The following RMDN2 variants were observed in gnomAD, a reference collection of about 807,000 sequenced individuals.
RMDN2 encodes the protein regulator of microtubule dynamics protein 2.
RMDN2 carries 61 observed loss-of-function variants against 52.8 expected under a neutral mutation model. The ratio of observed to expected loss-of-function variants is 1.16; its 90% CI spans 0.94 to 1.43. RMDN2 has a LOEUF of 1.43. Ranked by LOEUF, RMDN2 falls within the 40% of genes most tolerant of loss-of-function variation. RMDN2 has a pLI of 0.00. For missense variants in RMDN2, 592 were observed against 475.3 expected (o/e 1.25, Z -2.28); for synonymous variants, 180 against 153.1 (o/e 1.18, Z -1.30).
At position 37,929,640 on chromosome 2, in the gene RMDN2, C is replaced by T; in HGVS notation, c.363C>T (p.Ser121=). The T allele has an allele frequency of 6.4e-7, 1 of 1,550,556 alleles. No individual in the cohort carries two copies. The highest frequency in any genetic ancestry group is 8.7e-7 in the Non-Finnish European group (1 of 1,146,696). Residue 121 remains serine (S), a synonymous_variant, in exon 2 of 11, where the codon AGC becomes AGT. Transcript: ENST00000354545. Reference sequence around the variant, plus strand: ...GGAAAATAACTGTTCATAAGATAAGCCCTCAGCACAGAGCGAGAAAAAGAA... The same window carrying T: ...GGAAAATAACTGTTCATAAGATAAGTCCTCAGCACAGAGCGAGAAAAAGAA... ...LGGKITVHKI[S]PQHRARKRRL...
At chr2:37,989,698 G>T (rs1572963782) in intron 6 of RMDN2, 82 bp downstream of exon 6, 15 of 904,426 alleles carry the variant, frequency 1.7e-5, no homozygotes. Context: ...ATGTTTTAAT[G>T]TAGCCATATG....
At chr2:38,049,985 G>A (rs1297722539) in intron 10 of RMDN2, among the ~76,000 whole-genome samples, 1 of 152,150 alleles carries the variant, frequency 6.6e-6, no homozygotes, top group East Asian at 1.9e-4. Flanking sequence ...CTGTGCTTAA[G>A]CTAATAGCAT....
chr2:37,924,251 G>T (rs1055970717), upstream of RMDN2, among the ~76,000 whole-genome samples: 10 of 152,210 alleles, frequency 6.6e-5, no homozygotes, highest in African/African-American at 2.4e-4. Context: ...TTTTGAGAAA[G>T]AGTGTACCCA....
intron 2 of RMDN2, among the ~76,000 whole-genome samples, chr2:37,948,082 C>G (rs1668375149): frequency 6.6e-6 from 1 of 152,180 alleles, no homozygotes; most frequent in Non-Finnish European, 1.5e-5. Flanking sequence ...TGTTCTGGAA[C>G]ACAGCTACTC....
chr2:37,988,708 T>G (rs980303030), intron 5 of RMDN2, among the ~76,000 whole-genome samples: 3 of 152,198 alleles, frequency 2.0e-5, no homozygotes, highest in South Asian at 2.1e-4. Context: ...ACTCGAAATA[T>G]TTAAGTAAAT....
intron 10 of RMDN2, among the ~76,000 whole-genome samples, chr2:38,059,992 G>A (rs1286573508): frequency 1.3e-5 from 2 of 152,090 alleles, no homozygotes; most frequent in Non-Finnish European, 2.9e-5. Context: ...CCGCCTCTCA[G>A]GTTCAAATGA....
chr2:38,028,558 A>C (rs913765237), intron 10 of RMDN2, among the ~76,000 whole-genome samples: 1 of 152,154 alleles, frequency 6.6e-6, no homozygotes. Flanking sequence ...GCATGTAGCA[A>C]CTTCCTCAGC....
At chr2:37,940,267 G>A (rs1172875177) in intron 2 of RMDN2, among the ~76,000 whole-genome samples, 1 of 152,168 alleles carries the variant, frequency 6.6e-6, no homozygotes. Context: ...AGTCTGCTGG[G>A]CTTCCCTTTG....
Position 37,929,486 on chromosome 2 carries a change from A to G in RMDN2, c.209A>G (p.Glu70Gly), listed in dbSNP as rs765872849. Residue 70 changes from glutamate (E) to glycine (G), a missense_variant, in exon 2 of 11, where the codon GAA becomes GGA. Physicochemically the swap from Glu to Gly is moderately conservative, Grantham distance 98. Transcript: ENST00000354545. ...CAAGGAACAACAGTAATCTTTCAAG[A>G]AAGGCAACTTCAGATACTGGAGAAG... is the stretch of plus-strand genomic sequence containing the variant. Reference protein sequence around the residue: ...DDQGTTVIFQERQLQILEKLN... With the variant: ...DDQGTTVIFQGRQLQILEKLN... The G allele has an allele frequency of 7.1e-6, 11 of 1,551,702 alleles. No homozygotes were observed. In the Admixed American group the frequency reaches 1.8e-4, roughly 25 times the overall value.
chr2:38,043,558 T>C (rs1350169956), intron 10 of RMDN2, among the ~76,000 whole-genome samples: 1 of 152,160 alleles, frequency 6.6e-6, no homozygotes, highest in Non-Finnish European at 1.5e-5. Context: ...TTGTTCTTTG[T>C]TTCCTTTTTT....
In RMDN2 at chr2:38,035,758, C is replaced by T. The variant is rs1037791335; in HGVS notation, c.1714-31224C>T. 5.3e-5 allele frequency: 8 copies of T among 152,208 alleles called. No homozygotes were observed. In the East Asian group the frequency reaches 1.5e-3, roughly 29 times the overall value. 9.4% of individuals were successfully genotyped at this position (152,208 alleles called of 1,614,324 possible). On this transcript the variant is annotated intron_variant, in intron 10 of 10. Transcript: ENST00000234195. Reference sequence around the variant, plus strand: ...GCAACTGGTTTATATCTAGTTTAACCAGCAAGATGCAGGAGCATCTTCAAC... The same window carrying T: ...GCAACTGGTTTATATCTAGTTTAACTAGCAAGATGCAGGAGCATCTTCAAC...
intron 10 of RMDN2, among the ~76,000 whole-genome samples, chr2:38,013,714 A>G (rs1373518897): frequency 6.6e-6 from 1 of 152,222 alleles, no homozygotes; most frequent in African/African-American, 2.4e-5. Context: ...CAGAATTTGT[A>G]TCCATTCACT....
At chr2:38,057,599 T>C (rs1681896266) in intron 10 of RMDN2, among the ~76,000 whole-genome samples, 2 of 152,154 alleles carry the variant, frequency 1.3e-5, no homozygotes, top group Admixed American at 6.5e-5. Context: ...TTATTTGATA[T>C]GGTTTAGATC....
intron 10 of RMDN2, among the ~76,000 whole-genome samples, chr2:38,049,072 G>C (rs915710031): frequency 6.6e-6 from 1 of 152,198 alleles, no homozygotes; most frequent in Non-Finnish European, 1.5e-5. Flanking sequence ...TTTCTAGTCT[G>C]TAGAATATGG....
At chr2:37,961,719 G>C (rs1400385805) in intron 2 of RMDN2, among the ~76,000 whole-genome samples, 1 of 152,018 alleles carries the variant, frequency 6.6e-6, no homozygotes, top group Non-Finnish European at 1.5e-5. Context: ...TCTCCATCCA[G>C]CTTTGTTCCC....
chr2:38,029,995 C>T (rs1264501841), intron 10 of RMDN2: 3 of 152,100 alleles, frequency 2.0e-5, no homozygotes, highest in Admixed American at 1.3e-4. Context: ...TCTCATGAGG[C>T]TTACTCACTA....
At chr2:37,949,683 G>T (rs114314144) in intron 2 of RMDN2, among the ~76,000 whole-genome samples, 2 of 152,244 alleles carry the variant, frequency 1.3e-5, no homozygotes, top group African/African-American at 4.8e-5. Context: ...GTTTCCTGCA[G>T]TAGGGTGTTA....
At chr2:37,994,122 A>G (rs889138469) in intron 7 of RMDN2, among the ~76,000 whole-genome samples, 1 of 152,230 alleles carries the variant, frequency 6.6e-6, no homozygotes, top group Non-Finnish European at 1.5e-5. Flanking sequence ...AAAATTATAG[A>G]CTATACAAGG....
At chr2:37,948,655 G>A (rs1183309465) in intron 2 of RMDN2, among the ~76,000 whole-genome samples, 2 of 152,188 alleles carry the variant, frequency 1.3e-5, no homozygotes, top group Non-Finnish European at 2.9e-5. Flanking sequence ...GGTTAGGTAA[G>A]TTCTTCACCT....
Sources: allele counts gnomAD v4.1 joint callset (sites outside exome capture counted in the v4.1 genomes callset), GRCh38; gene constraint gnomAD v4.1.1; transcripts MANE v1.5; gene names NCBI Gene and HGNC (gene_info 2026-07-23, HGNC 2026-07-21).